CNTNAP5: variants seen among roughly 807,000 people sequenced by gnomAD.
The protein encoded by CNTNAP5 is contactin-associated protein-like 5.
A neutral mutation model predicts 150.2 loss-of-function variants in CNTNAP5; 72 were observed. The observed-to-expected ratio is 0.48, with a 90% CI of 0.40 to 0.58. The LOEUF is 0.58. Among genes scored for constraint, CNTNAP5 ranks in the 20% least tolerant of loss-of-function variants. The probability of loss-of-function intolerance (pLI) is 0.00; values close to 1 mark genes in which losing one functional copy is unlikely to be tolerated. For synonymous variants in CNTNAP5, 672 were observed against 619.8 expected (o/e 1.08, Z -1.25); for missense variants, 1,636 against 1,626.2 (o/e 1.01, Z -0.10).
intron 2 of CNTNAP5, 93 bp downstream of exon 2, chr2:124,221,902 A>G (rs375808097): frequency 3.9e-6 from 3 of 769,164 alleles, no homozygotes; most frequent in African/African-American, 3.5e-5. Flanking sequence ...CACTGAAATC[A>G]TGTCCAATGG....
At chr2:124,433,713 C>G (rs1184825277) in intron 4 of CNTNAP5, among the ~76,000 whole-genome samples, 1 of 151,684 alleles carries the variant, frequency 6.6e-6, no homozygotes, top group Non-Finnish European at 1.5e-5. Context: ...AAAAAAAACC[C>G]GCAAAAATAA....
chr2:124,899,097 T>C (rs1678365126), intron 21 of CNTNAP5, among the ~76,000 whole-genome samples: 1 of 151,560 alleles, frequency 6.6e-6, no homozygotes, highest in Non-Finnish European at 1.5e-5. Context: ...ACATCTTGAC[T>C]TAGCCATTCT....
intron 7 of CNTNAP5, among the ~76,000 whole-genome samples, chr2:124,489,425 G>A (rs77988695): frequency 0.13 from 19,973 of 152,170 alleles, 1,662 homozygotes; most frequent in Non-Finnish European, 0.19. Flanking sequence ...CACCAGTCCT[G>A]TTAGATTAGA....
chr2:124,909,281 CA>C (rs1678604922), intron 22 of CNTNAP5, among the ~76,000 whole-genome samples: 1 of 152,134 alleles, frequency 6.6e-6, no homozygotes, highest in Non-Finnish European at 1.5e-5. Context: ...CATATACTCA[CA>C]AATGTGTTAT....
Position 124,035,700 on chromosome 2 carries a change from T to A in CNTNAP5, c.82+9968T>A, listed in dbSNP as rs564755104. On this transcript the variant is annotated intron_variant, in intron 1 of 23. Transcript: ENST00000682447. The stretch of plus-strand genomic sequence containing the variant: ...TCCATGTTTATACTATAATAAAATA[T>A]TTTCCCCAAATCCCCAATTAAAATT... Among the ~76,000 whole-genome samples, 12 of 152,212 alleles carry A rather than the reference T, an allele frequency of 7.9e-5. No individual in the cohort carries two copies. The East Asian group carries it at 2.3e-3, about 29-fold the overall frequency.
At chr2:124,667,458 T>G (rs1367944767) in intron 13 of CNTNAP5, among the ~76,000 whole-genome samples, 1 of 152,256 alleles carries the variant, frequency 6.6e-6, no homozygotes, top group Non-Finnish European at 1.5e-5. Context: ...ACCTGCTCAT[T>G]GCACCTGCTC....
At chr2:124,324,186 C>A (rs776263505) in intron 3 of CNTNAP5, among the ~76,000 whole-genome samples, 3 of 152,144 alleles carry the variant, frequency 2.0e-5, no homozygotes, top group Non-Finnish European at 2.9e-5. Flanking sequence ...TAGGGAACCA[C>A]TGAATTGGTA....
intron 6 of CNTNAP5, among the ~76,000 whole-genome samples, chr2:124,462,699 A>G (rs2104822536): frequency 6.6e-6 from 1 of 152,340 alleles, no homozygotes; most frequent in Admixed American, 6.5e-5. Flanking sequence ...AAAGCTAGCC[A>G]AGCCCCTCTA....
At chr2:124,196,496 T>G (rs549867464) in intron 1 of CNTNAP5, among the ~76,000 whole-genome samples, 1 of 152,346 alleles carries the variant, frequency 6.6e-6, no homozygotes, top group East Asian at 1.9e-4. Flanking sequence ...TTCCTAATTA[T>G]TGTTGCTTTC....
In CNTNAP5 at chr2:124,223,684, TC is replaced by T. The variant is rs545041287; in HGVS notation, c.187+1876del. On this transcript the variant is annotated intron_variant, in intron 2 of 23. Coordinates refer to ENST00000682447, the MANE Select transcript of CNTNAP5 (RefSeq NM_001367498.1). ...GCTGTGGGTCTGATCACAGGCCGGC[TC>T]TCTCCCTGACAGACAGATATTGAGT... 3.7e-3 allele frequency among the ~76,000 whole-genome samples: 568 copies of T among 151,858 alleles called. 4 individuals carry two copies. Among genetic ancestry groups the T allele is most frequent in the African/African-American group, 0.013 (549 of 41,420 alleles).
chr2:124,411,423 C>A (rs1256545143), intron 3 of CNTNAP5, among the ~76,000 whole-genome samples: 2 of 151,506 alleles, frequency 1.3e-5, no homozygotes, highest in South Asian at 2.1e-4. Context: ...GAGACACAAC[C>A]AAAAAAGAGA....
At position 124,884,689 on chromosome 2, in the gene CNTNAP5, G is replaced by A. The variant is rs1040515687; in HGVS notation, c.3436+14927G>A. ...TAGAGAGAAAGAGGTTCTGAAAGTC[G>A]TAGTGCAGACAAGAGCTGGTGGATG... On this transcript the variant is annotated intron_variant, in intron 21 of 23. Transcript: ENST00000682447. Among the ~76,000 whole-genome samples the A allele has an allele frequency of 4.6e-5, 7 of 152,052 alleles. No homozygotes were observed. In the East Asian group the frequency reaches 7.8e-4, roughly 17 times the overall value.
intron 3 of CNTNAP5, among the ~76,000 whole-genome samples, chr2:124,324,392 A>G (rs954263726): frequency 6.6e-6 from 1 of 152,190 alleles, no homozygotes; most frequent in Non-Finnish European, 1.5e-5. Context: ...CCATAGATGT[A>G]TATGTCAGAT....
intron 1 of CNTNAP5, among the ~76,000 whole-genome samples, chr2:124,028,436 A>T (rs1680957535): frequency 6.6e-6 from 1 of 152,146 alleles, no homozygotes; most frequent in Non-Finnish European, 1.5e-5. Flanking sequence ...TAATTAAACA[A>T]AATTAAAATA....
intron 13 of CNTNAP5, among the ~76,000 whole-genome samples, chr2:124,704,561 A>T (rs1029450455): frequency 2.0e-5 from 3 of 152,234 alleles, no homozygotes; most frequent in African/African-American, 7.2e-5. Context: ...AAGTGATTTT[A>T]AAATATCATT....
chr2:124,770,558 C>T (rs1681168159), intron 16 of CNTNAP5, among the ~76,000 whole-genome samples: 1 of 152,168 alleles, frequency 6.6e-6, no homozygotes, highest in African/African-American at 2.4e-5. Context: ...AATGTGGGGT[C>T]CAGTCATCTC....
intron 3 of CNTNAP5, among the ~76,000 whole-genome samples, chr2:124,366,051 T>A (rs1486453217): frequency 6.6e-6 from 1 of 152,254 alleles, no homozygotes; most frequent in East Asian, 1.9e-4. Context: ...ACATTGGTTT[T>A]TCTTTGGAGA....
At chr2:124,564,524 T>G (rs2104932055) in intron 11 of CNTNAP5, among the ~76,000 whole-genome samples, 1 of 152,096 alleles carries the variant, frequency 6.6e-6, no homozygotes, top group East Asian at 1.9e-4. Flanking sequence ...CCGGGCTAAA[T>G]TTTGTATTTT....
Position 124,790,001 on chromosome 2 carries a change from C to T in CNTNAP5, c.2852C>T (p.Ser951Phe). The change falls in exon 18 of 24, where the codon TCT becomes TTT. Residue 951 changes from serine (S) to phenylalanine (F), a missense_variant. Physicochemically the swap from Ser to Phe is radical, Grantham distance 155. Transcript: ENST00000682447. The stretch of plus-strand genomic sequence containing the variant: ...CTGGAAGAGAGGGCAAAGGTCACAT[C>T]TGGAGTCAGGCCAGGCTGCCCCGGC... Reference protein sequence around the residue: ...MDLEERAKVTSGVRPGCPGHC... With the variant: ...MDLEERAKVTFGVRPGCPGHC... 1 of 1,613,970 alleles carries T rather than the reference C, an allele frequency of 6.2e-7. No homozygotes were observed. The highest frequency in any genetic ancestry group is 8.5e-7 in the Non-Finnish European group (1 of 1,179,850).
Sources: gnomAD v4.1 joint callset for allele counts (sites outside exome capture counted in the v4.1 genomes callset) on GRCh38, gnomAD v4.1.1 for gene constraint, MANE v1.5 for transcripts, NCBI Gene and HGNC (gene_info 2026-07-23, HGNC 2026-07-21) for gene names.